PCDH9: variants seen among roughly 807,000 people sequenced by gnomAD.
PCDH9 encodes the protein protocadherin 9, also known as protocadherin-9.
PCDH9 carries 24 observed loss-of-function variants against 70.6 expected under a neutral mutation model. That is an observed-to-expected ratio of 0.34 (90% CI 0.25 to 0.48). PCDH9 has a LOEUF of 0.48. Among genes scored for constraint, PCDH9 ranks in the 20% least tolerant of loss-of-function variants. PCDH9 has a pLI of 0.99. For synonymous variants in PCDH9, 562 were observed against 558.5 expected (o/e 1.01, Z -0.09); for missense variants, 1,281 against 1,503.6 (o/e 0.85, Z 2.45).
intron 3 of PCDH9, among the ~76,000 whole-genome samples, chr13:66,773,931 C>A (rs1268770420): frequency 6.6e-6 from 1 of 151,616 alleles, no homozygotes; most frequent in Non-Finnish European, 1.5e-5. Flanking sequence ...GAAACTGCCA[C>A]CAAGCCCGGC....
chr13:66,738,102 T>A (rs1360944773), intron 3 of PCDH9, among the ~76,000 whole-genome samples: 1 of 152,082 alleles, frequency 6.6e-6, no homozygotes, highest in Non-Finnish European at 1.5e-5. Context: ...CCCTGACAGC[T>A]TTGAAGAGAG....
chr13:66,469,084 C>T (rs987051100), intron 4 of PCDH9, among the ~76,000 whole-genome samples: 1 of 152,066 alleles, frequency 6.6e-6, no homozygotes, highest in Non-Finnish European at 1.5e-5. Context: ...AAAAATATTT[C>T]TGTTGCCAGG....
At chr13:66,866,640 T>C (rs1234306882) in intron 3 of PCDH9, among the ~76,000 whole-genome samples, 2 of 149,218 alleles carry the variant, frequency 1.3e-5, no homozygotes, top group Non-Finnish European at 1.5e-5. Context: ...TTACTAAAAA[T>C]ACAAAAATTA....
intron 4 of PCDH9, among the ~76,000 whole-genome samples, chr13:66,428,293 G>A (rs933983370): frequency 6.6e-6 from 1 of 151,646 alleles, no homozygotes; most frequent in East Asian, 1.9e-4. Context: ...TCTCAGATAA[G>A]TAAAAACTAT....
intron 4 of PCDH9, among the ~76,000 whole-genome samples, chr13:66,362,573 T>C (rs1039062393): frequency 1.3e-5 from 2 of 152,174 alleles, no homozygotes; most frequent in Admixed American, 1.3e-4. Flanking sequence ...GGACATATTT[T>C]TTATGTGATA....
At chr13:67,203,927 A>C (rs1480813655) in intron 2 of PCDH9, 3 of 152,088 alleles carry the variant, frequency 2.0e-5, no homozygotes, top group Non-Finnish European at 4.4e-5. Context: ...TATGATAGGT[A>C]AACTTTGTAG....
intron 4 of PCDH9, among the ~76,000 whole-genome samples, chr13:66,315,634 A>C (rs1023299914): frequency 6.6e-6 from 1 of 152,126 alleles, no homozygotes; most frequent in African/African-American, 2.4e-5. Context: ...GGCGTGTGCC[A>C]CCACGTCCAG....
chr13:66,561,368 G>A (rs1962024391), intron 4 of PCDH9, among the ~76,000 whole-genome samples: 1 of 152,162 alleles, frequency 6.6e-6, no homozygotes, highest in Non-Finnish European at 1.5e-5. Context: ...TTGCTCCACT[G>A]CACCCAGTCC....
At chr13:67,161,649 G>C (rs1008385307) in intron 2 of PCDH9, among the ~76,000 whole-genome samples, 3 of 152,122 alleles carry the variant, frequency 2.0e-5, no homozygotes, top group African/African-American at 7.2e-5. Flanking sequence ...ACTGTTGACC[G>C]TAGAATGTAC....
chr13:66,652,249 A>T (rs996642198), intron 3 of PCDH9, among the ~76,000 whole-genome samples: 1 of 152,146 alleles, frequency 6.6e-6, no homozygotes, highest in African/African-American at 2.4e-5. Context: ...AGACTCAATC[A>T]AAAAATGATT....
chr13:67,167,410 T>C (rs537849772), intron 2 of PCDH9, among the ~76,000 whole-genome samples: 1 of 152,344 alleles, frequency 6.6e-6, no homozygotes, highest in South Asian at 2.1e-4. Context: ...GGATACTATC[T>C]GACTTTGATA....
At chr13:66,436,349 G>C (rs1957867886) in intron 4 of PCDH9, among the ~76,000 whole-genome samples, 1 of 152,080 alleles carries the variant, frequency 6.6e-6, no homozygotes. Context: ...TCCAGATGAT[G>C]GTGCCTTGAT....
At chr13:66,473,103 A>G (rs1427081993) in intron 4 of PCDH9, among the ~76,000 whole-genome samples, 1 of 152,066 alleles carries the variant, frequency 6.6e-6, no homozygotes, top group African/African-American at 2.4e-5. Context: ...AATTTAAGAT[A>G]TTAAACACTG....
At chr13:66,786,218 G>A (rs1396975879) in intron 3 of PCDH9, among the ~76,000 whole-genome samples, 5 of 152,084 alleles carry the variant, frequency 3.3e-5, no homozygotes, top group Admixed American at 2.6e-4. Flanking sequence ...GTTTACCTAT[G>A]CTACATACAG....
intron 4 of PCDH9, among the ~76,000 whole-genome samples, chr13:66,357,810 G>T (rs1195242550): frequency 2.6e-5 from 4 of 152,068 alleles, no homozygotes; most frequent in Non-Finnish European, 5.9e-5. Flanking sequence ...AGCTTAGATA[G>T]CTATAACAAC....
intron 3 of PCDH9, among the ~76,000 whole-genome samples, chr13:66,819,725 T>C (rs1386762822): frequency 1.3e-5 from 2 of 152,022 alleles, no homozygotes; most frequent in East Asian, 1.9e-4. Context: ...CTCCCATCTT[T>C]ACAAAAATGA....
At chr13:67,001,463 A>G (rs1360841458) in intron 2 of PCDH9, among the ~76,000 whole-genome samples, 2 of 152,226 alleles carry the variant, frequency 1.3e-5, no homozygotes, top group African/African-American at 4.8e-5. Flanking sequence ...ACAAGGGTAG[A>G]GAGAAATCCC....
chr13:66,675,464 G>A (rs1414607043), intron 3 of PCDH9, among the ~76,000 whole-genome samples: 6 of 152,074 alleles, frequency 3.9e-5, no homozygotes, highest in African/African-American at 4.8e-5. Context: ...CATGTTTCTG[G>A]TTATAGACGC....
intron 4 of PCDH9, among the ~76,000 whole-genome samples, chr13:66,589,324 C>A (rs775950876): frequency 1.3e-4 from 20 of 152,038 alleles, no homozygotes; most frequent in Non-Finnish European, 2.8e-4. Context: ...TACCACCTTA[C>A]GATGACTATA....
Sources: gnomAD v4.1 joint callset for allele counts (sites outside exome capture counted in the v4.1 genomes callset) on GRCh38, gnomAD v4.1.1 for gene constraint, MANE v1.5 for transcripts, NCBI Gene and HGNC (gene_info 2026-07-23, HGNC 2026-07-21) for gene names.